Variants in MAPK10 observed in about 807,000 individuals in gnomAD.
MAPK10 encodes mitogen-activated protein kinase 10.
MAPK10 carries 25 observed loss-of-function variants against 59.3 expected under a neutral mutation model. That is an observed-to-expected ratio of 0.42 (90% CI 0.31 to 0.59). The LOEUF (loss-of-function observed/expected upper bound fraction) is 0.59. MAPK10 is among the 20% of genes least tolerant of loss of function. The pLI is 0.15. For synonymous variants in MAPK10, 190 were observed against 200.5 expected (o/e 0.95, Z 0.44); for missense variants, 351 against 568.9 (o/e 0.62, Z 3.90).
At chr4:86,146,922 G>C (rs1271634570) in intron 4 of MAPK10, among the ~76,000 whole-genome samples, 5 of 152,008 alleles carry the variant, frequency 3.3e-5, no homozygotes, top group Non-Finnish European at 5.9e-5. Context: ...CAGGATCTTT[G>C]GTCCTTTCTA....
intron 11 of MAPK10, among the ~76,000 whole-genome samples, chr4:86,039,542 G>A (rs980368301): frequency 3.9e-5 from 6 of 152,160 alleles, no homozygotes; most frequent in Admixed American, 3.9e-4. Flanking sequence ...TTAGACTCAA[G>A]GTCTATACAG....
At chr4:86,455,668 T>C (rs1751162931), upstream of MAPK10, among the ~76,000 whole-genome samples, 2 of 152,072 alleles carry the variant, frequency 1.3e-5, no homozygotes. Flanking sequence ...CAATTACTAA[T>C]AGACCTAAGA....
chr4:86,057,296 G>A (rs922647032), intron 11 of MAPK10, among the ~76,000 whole-genome samples: 3 of 149,900 alleles, frequency 2.0e-5, no homozygotes, highest in Admixed American at 6.6e-5. Context: ...AGCTAAAAGT[G>A]GATAAGCATA....
At chr4:86,250,839 C>G (rs777954328) in intron 2 of MAPK10, among the ~76,000 whole-genome samples, 9 of 152,128 alleles carry the variant, frequency 5.9e-5, no homozygotes, top group Non-Finnish European at 1.0e-4. Flanking sequence ...TACAACACAG[C>G]CAGGGGACAT....
At chr4:86,206,207 C>T (rs1489804878) in intron 2 of MAPK10, among the ~76,000 whole-genome samples, 1 of 151,672 alleles carries the variant, frequency 6.6e-6, no homozygotes, top group East Asian at 1.9e-4. Context: ...CCCCCCACCT[C>T]GCAACAGTCC....
At chr4:86,136,905 T>C (rs1005269033) in intron 4 of MAPK10, among the ~76,000 whole-genome samples, 4 of 152,170 alleles carry the variant, frequency 2.6e-5, no homozygotes, top group Admixed American at 1.3e-4. Flanking sequence ...ATAAAACAGA[T>C]TTTAAACCAA....
chr4:86,388,220 G>C (rs1443037124), intron 1 of MAPK10, among the ~76,000 whole-genome samples: 1 of 151,800 alleles, frequency 6.6e-6, no homozygotes, highest in Non-Finnish European at 1.5e-5. Context: ...GTGAGAGAGA[G>C]AGAGAATATA....
intron 1 of MAPK10, among the ~76,000 whole-genome samples, chr4:86,498,141 T>C (rs1564951732): frequency 1.3e-5 from 2 of 152,238 alleles, no homozygotes; most frequent in African/African-American, 2.4e-5. Flanking sequence ...GCCACAGTTT[T>C]CAGGACAGTC....
intron 2 of MAPK10, among the ~76,000 whole-genome samples, chr4:86,329,058 T>C (rs2096089724): frequency 6.6e-6 from 1 of 152,150 alleles, no homozygotes; most frequent in African/African-American, 2.4e-5. Flanking sequence ...AGTATTCACC[T>C]AGCTTGCCCT....
intron 2 of MAPK10, among the ~76,000 whole-genome samples, chr4:86,320,870 C>A (rs555788985): frequency 6.6e-5 from 10 of 151,912 alleles, no homozygotes; most frequent in African/African-American, 2.4e-4. Context: ...CAGCTTTCTA[C>A]ATATGGCAAA....
At position 86,507,673 on chromosome 4, in the gene MAPK10, A is replaced by T. The variant is rs867205811; in HGVS notation, c.-263+86237T>A. 9.1e-4 allele frequency among the ~76,000 whole-genome samples: 63 copies of T among 69,202 alleles called. 1 individual carries two copies. The highest frequency in any genetic ancestry group is 1.4e-3 in the East Asian group (3 of 2,088). 45.4% of individuals were successfully genotyped at this position (69,202 alleles called of 152,430 possible). Reference sequence around the variant, plus strand: ...ATATATATATATATATATATATATAAAATCATGTGTAAATTCCCAAGATAT... The same window carrying T: ...ATATATATATATATATATATATATATAATCATGTGTAAATTCCCAAGATAT... On this transcript the variant is annotated intron_variant, in intron 1 of 4. Coordinates refer to the MAPK10 transcript ENST00000502302.
rs552506101 is a variant in MAPK10 at position 86,217,304 on chromosome 4, A to G, written c.-6-22897T>C. ...TCTAAAACATTCTATACAGAATTGT[A>G]TTAATATAGAGAAATAAGATTTTTT... On this transcript the variant is annotated intron_variant, in intron 2 of 13. Transcript: ENST00000641462. 1.7e-3 allele frequency among the ~76,000 whole-genome samples: 266 copies of G among 152,336 alleles called. 1 individual carries two copies. The highest frequency in any genetic ancestry group is 2.9e-3 in the Non-Finnish European group (194 of 68,026).
chr4:86,031,467 TA>T (rs1164135135), intron 11 of MAPK10, 36 bp from the exon 12 acceptor site: 1 of 1,469,962 alleles, frequency 6.8e-7, no homozygotes, highest in Non-Finnish European at 9.5e-7. Flanking sequence ...CTTTGTGTGA[TA>T]ATGTAAACAT....
chr4:86,098,424 A>C, intron 9 of MAPK10, 100 bp downstream of exon 9: 1 of 1,561,058 alleles, frequency 6.4e-7, no homozygotes. Flanking sequence ...CACTTACCCA[A>C]CTTTTTGCTT....
At chr4:86,263,975 T>G (rs1321995099) in intron 2 of MAPK10, among the ~76,000 whole-genome samples, 2 of 152,210 alleles carry the variant, frequency 1.3e-5, no homozygotes, top group South Asian at 2.1e-4. Context: ...TCATTGCTAA[T>G]TTCTCTCATA....
chr4:86,412,793 T>C (rs1166002748), intron 1 of MAPK10, among the ~76,000 whole-genome samples: 2 of 152,212 alleles, frequency 1.3e-5, no homozygotes, highest in Non-Finnish European at 2.9e-5. Context: ...TTCTAGTTAG[T>C]CATTCATCTA....
intron 1 of MAPK10, among the ~76,000 whole-genome samples, chr4:86,579,232 A>G (rs1358295021): frequency 6.6e-6 from 1 of 152,216 alleles, no homozygotes; most frequent in Non-Finnish European, 1.5e-5. Context: ...GAAGCCATCT[A>G]CAAGAAACTT....
chr4:86,444,907 A>C (rs1199829502), intron 1 of MAPK10, among the ~76,000 whole-genome samples: 1 of 152,210 alleles, frequency 6.6e-6, no homozygotes, highest in Non-Finnish European at 1.5e-5. Context: ...ACTATTAAAA[A>C]GTCAAGAAAC....
intron 2 of MAPK10, among the ~76,000 whole-genome samples, chr4:86,231,384 G>A (rs1030375266): frequency 1.1e-4 from 17 of 152,038 alleles, no homozygotes; most frequent in African/African-American, 9.7e-5. Flanking sequence ...GGCTGGACGC[G>A]GTGGCTCATG....
Sources: gnomAD v4.1 joint callset for allele counts (sites outside exome capture counted in the v4.1 genomes callset) on GRCh38, gnomAD v4.1.1 for gene constraint, MANE v1.5 for transcripts, NCBI Gene and HGNC (gene_info 2026-07-23, HGNC 2026-07-21) for gene names.